The following FBXL12 variants were observed in gnomAD, a reference collection of about 807,000 sequenced individuals.
FBXL12 encodes F-box and leucine rich repeat protein 12.
FBXL12 carries 22 observed loss-of-function variants against 24.9 expected under a neutral mutation model. The observed-to-expected ratio is 0.88, with a 90% CI of 0.63 to 1.26. FBXL12 has a LOEUF of 1.26. FBXL12 is among the 50% of genes most tolerant of loss of function. The pLI is 0.00. For synonymous variants in FBXL12, 193 were observed against 193.8 expected (o/e 1.00, Z 0.03); for missense variants, 384 against 434.1 (o/e 0.88, Z 1.03).
intron 2 of FBXL12, among the ~76,000 whole-genome samples, chr19:9,813,607 T>C (rs113038593): frequency 0.11 from 16,095 of 151,794 alleles, 1,212 homozygotes; most frequent in Admixed American, 0.23. Flanking sequence ...GTTCAAGCAA[T>C]TCTCCTGCTT....
At chr19:9,818,083 G>T in intron 2 of FBXL12, 1 of 375,076 alleles carries the variant, frequency 2.7e-6, no homozygotes, top group South Asian at 1.3e-4. Context: ...GTAGTGGCGA[G>T]CGCCCGTGGT....
At chr19:9,813,195 C>T in intron 2 of FBXL12, 1 of 1,179,964 alleles carries the variant, frequency 8.5e-7, no homozygotes, top group Non-Finnish European at 1.1e-6. Context: ...ATTCTAAGTA[C>T]AGTTTATCTT....
Position 9,818,982 on chromosome 19 carries a change from T to G in FBXL12, c.-169A>C, listed in dbSNP as rs2045945645. 1 of 650,776 alleles carries G rather than the reference T, an allele frequency of 1.5e-6. No homozygotes were observed. The highest frequency in any genetic ancestry group is 2.7e-6 in the Non-Finnish European group (1 of 375,210). 40.3% of individuals were successfully genotyped at this position (650,776 alleles called of 1,614,324 possible). ...GTCCCAGGGCCGGACCAGCCGCGGA[T>G]GGGGACCAGAAACCAGCCTGGAAAG... On this transcript the variant is annotated 5_prime_UTR_variant, in exon 1 of 3. Coordinates refer to ENST00000247977, the MANE Select transcript of FBXL12 (RefSeq NM_017703.3).
In FBXL12 at chr19:9,815,574, C is replaced by T. The variant is rs188271348; in HGVS notation, c.159+2971G>A. ...CAGAGGTTCTCCATGAGGGCCCCAC[C>T]CCTGTAGCAAACTTTTGCCTGGACA... On this transcript the variant is annotated intron_variant, in intron 2 of 2. Coordinates refer to ENST00000247977, the MANE Select transcript of FBXL12 (RefSeq NM_017703.3). Among the ~76,000 whole-genome samples the T allele has an allele frequency of 5.6e-3, 860 of 152,320 alleles. 10 individuals are homozygous for T. Among genetic ancestry groups the T allele is most frequent in the African/African-American group, 0.02 (824 of 41,566 alleles).
intron 2 of FBXL12, chr19:9,813,092 GC>G (rs1407677185): frequency 4.1e-5 from 18 of 440,392 alleles, no homozygotes; most frequent in Non-Finnish European, 5.1e-5. Context: ...ATATATCAAA[GC>G]CTGGTAGAGT....
intron 2 of FBXL12, among the ~76,000 whole-genome samples, chr19:9,812,759 T>TAAA (rs35525468): frequency 0.062 from 7,027 of 114,240 alleles, 525 homozygotes; most frequent in African/African-American, 0.18. Context: ...AGGTCTATGT[T>TAAA]AAAAAAAAAA....
Position 9,818,595 on chromosome 19 carries a change from G to A in FBXL12, c.109C>T (p.Leu37=). 1.3e-6 allele frequency: 2 copies of A among 1,555,634 alleles called. No homozygotes were observed. The highest frequency in any genetic ancestry group is 8.7e-7 in the Non-Finnish European group (1 of 1,150,776). The change falls in exon 2 of 3, where the codon CTG becomes TTG. Residue 37 remains leucine (L), a synonymous_variant. Transcript: ENST00000247977. Reference sequence around the variant, plus strand: ...CGCCACAGCCACCGGTCGTCCACCAGCCTCTTCCAGCGGTGACAGACCCTG... The same window carrying A: ...CGCCACAGCCACCGGTCGTCCACCAACCTCTTCCAGCGGTGACAGACCCTG... ...ISRVCHRWKR[L]VDDRWLWRHV... is the part of the protein sequence containing the mutation.
At chr19:9,814,134 T>C in intron 2 of FBXL12, 1 of 166,406 alleles carries the variant, frequency 6.0e-6, no homozygotes, top group Non-Finnish European at 1.3e-5. Context: ...TTAATTGGAC[T>C]TACAGTTCCA....
intron 2 of FBXL12, chr19:9,813,352 T>G: frequency 3.1e-6 from 3 of 979,942 alleles, no homozygotes; most frequent in Non-Finnish European, 3.9e-6. Context: ...TTTTCTTTTT[T>G]TTTGAGACGG....
At position 9,811,505 on chromosome 19, in the gene FBXL12, G is replaced by A; in HGVS notation, c.372C>T (p.Ser124=). Reference sequence around the variant, plus strand: ...TGTGCAGCTCCAGGGTCCTCAAGGTGCTGGGCAGGCTGGTGATGGGCACCA... The same window carrying A: ...TGTGCAGCTCCAGGGTCCTCAAGGTACTGGGCAGGCTGGTGATGGGCACCA... ...LSMVPITSLP[S]TLRTLELHSC... Residue 124 remains serine (S), a synonymous_variant, in exon 3 of 3, where the codon AGC becomes AGT. Coordinates refer to ENST00000247977, the MANE Select transcript of FBXL12 (RefSeq NM_017703.3). The surrounding 1 kb of genome is among the most constrained non-coding windows in gnomAD (Gnocchi z 6.0). The A allele has an allele frequency of 6.2e-7, 1 of 1,613,746 alleles. No individual in the cohort carries two copies. Among genetic ancestry groups the A allele is most frequent in the Non-Finnish European group, 8.5e-7 (1 of 1,179,882 alleles).
chr19:9,815,553 G>A (rs2045862129), intron 2 of FBXL12, among the ~76,000 whole-genome samples: 2 of 152,180 alleles, frequency 1.3e-5, no homozygotes, highest in East Asian at 3.8e-4. Context: ...CCCTAGCAGA[G>A]GTTCTCCATG....
Position 9,813,226 on chromosome 19 carries a change from C to T in FBXL12, c.160-1509G>A, listed in dbSNP as rs558841876. On this transcript the variant is annotated intron_variant, in intron 2 of 2. Transcript: ENST00000247977. ...ATCTTAAAAAGAAAAAGTTAGCATG[C>T]TTACATCTGCCTTTTATTGCTGGAT... The T allele has an allele frequency of 1.8e-4, 217 of 1,230,784 alleles. 2 individuals carry two copies. In the South Asian group the frequency reaches 7.4e-3, roughly 42 times the overall value. 76.2% of individuals were successfully genotyped at this position (1,230,784 alleles called of 1,614,324 possible).
intron 2 of FBXL12, among the ~76,000 whole-genome samples, chr19:9,816,981 T>A (rs139546541): frequency 5.9e-5 from 9 of 152,274 alleles, no homozygotes; most frequent in Non-Finnish European, 1.5e-5. Context: ...AAACCCCTGA[T>A]AAACCCATCA....
At position 9,810,326 on chromosome 19, in the gene FBXL12, A is replaced by G. The variant is rs1217255403; in HGVS notation, c.*570T>C. On this transcript the variant is annotated 3_prime_UTR_variant, in exon 3 of 3. Transcript: ENST00000247977. ...AGTAAAATAATATACGTCTTGGAAA[A>G]TACAGCATACAAAATACAGAAAATA... is the stretch of plus-strand genomic sequence containing the variant. The G allele has an allele frequency of 2.0e-5, 3 of 152,282 alleles. No individual in the cohort carries two copies. Among genetic ancestry groups the G allele is most frequent in the African/African-American group, 4.8e-5 (2 of 41,452 alleles). The allele number at this position is 152,282 out of a possible 1,614,324, so 9.4% of individuals were successfully genotyped here.
rs1343587671 is a variant in FBXL12 at position 9,818,991 on chromosome 19, G to C, written c.-178C>G. On this transcript the variant is annotated 5_prime_UTR_variant, in exon 1 of 3. Coordinates refer to ENST00000247977, the MANE Select transcript of FBXL12 (RefSeq NM_017703.3). Reference sequence around the variant, plus strand: ...CCGGACCAGCCGCGGATGGGGACCAGAAACCAGCCTGGAAAGCGTGGCTGA... The same window carrying C: ...CCGGACCAGCCGCGGATGGGGACCACAAACCAGCCTGGAAAGCGTGGCTGA... The C allele has an allele frequency of 1.7e-5, 11 of 631,322 alleles. No homozygotes were observed. In the East Asian group the frequency reaches 2.2e-4, roughly 13 times the overall value. The allele number at this position is 631,322 out of a possible 1,614,324, so 39.1% of individuals were successfully genotyped here. A position where few individuals can be genotyped will look rare whatever the true frequency, so the allele number is the denominator to read the frequency against.
Position 9,813,205 on chromosome 19 carries a change from TAAAAAG to T in FBXL12, c.160-1494_160-1489del, listed in dbSNP as rs534319169. On this transcript the variant is annotated intron_variant, in intron 2 of 2. Coordinates refer to ENST00000247977, the MANE Select transcript of FBXL12 (RefSeq NM_017703.3). ...ATTTCATTCTAAGTACAGTTTATCT[TAAAAAG>T]AAAAAGTTAGCATGCTTACATCTGC... 86 of 1,223,032 alleles carry T rather than the reference TAAAAAG, an allele frequency of 7.0e-5. No homozygotes were observed. The Admixed American group carries it at 1.1e-3, about 16-fold the overall frequency. The allele number at this position is 1,223,032 out of a possible 1,614,324, so 75.8% of individuals were successfully genotyped here.
At position 9,811,869 on chromosome 19, in the gene FBXL12, CT is replaced by C. The variant is rs1190142906; in HGVS notation, c.160-153del. The C allele has an allele frequency of 1.5e-5, 8 of 550,136 alleles. No homozygotes were observed. Among genetic ancestry groups the C allele is most frequent in the Non-Finnish European group, 2.4e-5 (8 of 333,380 alleles). 34.1% of individuals were successfully genotyped at this position (550,136 alleles called of 1,614,324 possible). On this transcript the variant is annotated intron_variant, in intron 2 of 2. Coordinates refer to ENST00000247977, the MANE Select transcript of FBXL12 (RefSeq NM_017703.3). This position sits in a 1 kb window ranked among gnomAD's most constrained non-coding sequence, Gnocchi z 6.0. ...AGCCAGTCTCCTCCCCAGGTTCAAC[CT>C]CCCCAGGTTCAACCAGATGGTTTGA... is the stretch of plus-strand genomic sequence containing the variant.
intron 2 of FBXL12, among the ~76,000 whole-genome samples, chr19:9,817,570 C>T (rs1420828030): frequency 1.3e-5 from 2 of 152,206 alleles, no homozygotes; most frequent in Non-Finnish European, 2.9e-5. Flanking sequence ...GACACTGTGG[C>T]TCACACCTGT....
At position 9,818,841 on chromosome 19, in the gene FBXL12, C is replaced by T; in HGVS notation, c.-28G>A. On this transcript the variant is annotated 5_prime_UTR_variant, in exon 1 of 3. Coordinates refer to ENST00000247977, the MANE Select transcript of FBXL12 (RefSeq NM_017703.3). ...TCCCGCCGACACGCACTTCCGCTTC[C>T]GGTTAAAGAGACCCGAGGGGTCCTG... is the stretch of plus-strand genomic sequence containing the variant. 1.3e-6 allele frequency: 2 copies of T among 1,539,996 alleles called. No individual in the cohort carries two copies. The highest frequency in any genetic ancestry group is 1.4e-5 in the African/African-American group (1 of 73,170).
Sources: allele counts gnomAD v4.1 joint callset (sites outside exome capture counted in the v4.1 genomes callset), GRCh38; gene constraint gnomAD v4.1.1; non-coding constraint Gnocchi (gnomAD v3.1); transcripts MANE v1.5; gene names NCBI Gene and HGNC (gene_info 2026-07-23, HGNC 2026-07-21).